The following PPM1H variants were observed in gnomAD, a reference collection of about 807,000 sequenced individuals.
PPM1H encodes protein phosphatase, Mg2+/Mn2+ dependent 1H, also known as protein phosphatase 1H.
A neutral mutation model predicts 54.9 loss-of-function variants in PPM1H; 27 were observed. The ratio of observed to expected loss-of-function variants is 0.49; its 90% confidence interval spans 0.36 to 0.68. The LOEUF is 0.68. Ranked by LOEUF, PPM1H falls within the 30% of genes least tolerant of loss-of-function variation. The pLI is 0.00. For synonymous variants in PPM1H, 305 were observed against 270.8 expected (o/e 1.13, Z -1.24); for missense variants, 596 against 667.8 (o/e 0.89, Z 1.19).
chr12:62,691,173 C>T (rs2076080911), intron 7 of PPM1H, among the ~76,000 whole-genome samples: 1 of 152,112 alleles, frequency 6.6e-6, no homozygotes, highest in Non-Finnish European at 1.5e-5. Flanking sequence ...AGGTGGATTG[C>T]ATCAAGACAG....
chr12:62,817,152 T>G (rs77269945), intron 2 of PPM1H, among the ~76,000 whole-genome samples: 6 of 63,110 alleles, frequency 9.5e-5, no homozygotes, highest in South Asian at 6.0e-4. Flanking sequence ...AAAAAAAAAC[T>G]AAAAAAAAGA....
chr12:62,709,430 G>T (rs1041586499), intron 6 of PPM1H, among the ~76,000 whole-genome samples: 2 of 152,112 alleles, frequency 1.3e-5, no homozygotes, highest in African/African-American at 4.8e-5. Context: ...ATTATCTCTG[G>T]CTTCCAAATT....
At chr12:62,656,775 C>T (rs2075846441) in intron 9 of PPM1H, among the ~76,000 whole-genome samples, 2 of 151,898 alleles carry the variant, frequency 1.3e-5, no homozygotes, top group African/African-American at 2.4e-5. Flanking sequence ...GAGCAGGCCT[C>T]AGAAATTTAA....
intron 2 of PPM1H, among the ~76,000 whole-genome samples, chr12:62,828,601 G>A (rs878988749): frequency 2.0e-5 from 3 of 152,110 alleles, no homozygotes; most frequent in Admixed American, 6.5e-5. Context: ...CTCCCTCTAC[G>A]AATGGAAGCT....
intron 6 of PPM1H, among the ~76,000 whole-genome samples, chr12:62,719,969 A>C (rs1038518451): frequency 3.0e-4 from 45 of 152,230 alleles, no homozygotes; most frequent in African/African-American, 1.0e-3. Flanking sequence ...GAGGGCCTCG[A>C]AGAAGCAGAG....
chr12:62,830,091 G>A lies in PPM1H; in HGVS notation c.411+2023C>T, dbSNP rs75622660. Among the ~76,000 whole-genome samples the A allele has an allele frequency of 3.1e-3, 477 of 152,270 alleles. 3 individuals carry two copies. The highest frequency in any genetic ancestry group is 0.011 in the African/African-American group (451 of 41,554). On this transcript the variant is annotated intron_variant, in intron 2 of 9. Coordinates refer to ENST00000228705, the MANE Select transcript of PPM1H (RefSeq NM_020700.2). ...GCAAACTTCACTCATAGAGAATAACGAAGTGGGACTAACCTCAGGATAATA... is the reference window on the plus strand; with the variant it reads ...GCAAACTTCACTCATAGAGAATAACAAAGTGGGACTAACCTCAGGATAATA...
At chr12:62,710,085 G>A (rs561971547) in intron 6 of PPM1H, among the ~76,000 whole-genome samples, 33 of 150,764 alleles carry the variant, frequency 2.2e-4, no homozygotes, top group African/African-American at 7.8e-4. Context: ...AAAAAAAAAA[G>A]CCAGTCTTGG....
chr12:62,890,497 A>T (rs1870745680), intron 1 of PPM1H, among the ~76,000 whole-genome samples: 1 of 152,162 alleles, frequency 6.6e-6, no homozygotes, highest in South Asian at 2.1e-4. Context: ...AATCTGTTCT[A>T]AAAAATAAAG....
intron 4 of PPM1H, among the ~76,000 whole-genome samples, chr12:62,744,075 T>C (rs566550440): frequency 8.6e-5 from 13 of 151,770 alleles, no homozygotes; most frequent in South Asian, 4.2e-4. Context: ...ACGTTATTCA[T>C]TGGGGCAAAG....
At chr12:62,697,033 A>G (rs539583231) in intron 6 of PPM1H, among the ~76,000 whole-genome samples, 1 of 152,360 alleles carries the variant, frequency 6.6e-6, no homozygotes, top group Non-Finnish European at 1.5e-5. Flanking sequence ...GAGTGGCAAA[A>G]GAACAAAAGG....
chr12:62,837,846 C>T (rs73135684), intron 1 of PPM1H, among the ~76,000 whole-genome samples: 10,578 of 152,300 alleles, frequency 0.069, 493 homozygotes, highest in Middle Eastern at 0.15. Flanking sequence ...CTCCTCCTTT[C>T]TACGCCTTTC....
intron 9 of PPM1H, among the ~76,000 whole-genome samples, chr12:62,659,658 C>T (rs540884700): frequency 2.4e-4 from 36 of 152,242 alleles, no homozygotes; most frequent in African/African-American, 8.7e-4. Flanking sequence ...TAAACAAAAG[C>T]CCAACAATCA....
chr12:62,732,989 T>TA (rs966963060), intron 5 of PPM1H, among the ~76,000 whole-genome samples: 24 of 152,232 alleles, frequency 1.6e-4, no homozygotes, highest in Non-Finnish European at 3.4e-4. Context: ...ATGCTTAAAA[T>TA]AATGAATCAG....
intron 4 of PPM1H, among the ~76,000 whole-genome samples, chr12:62,771,295 GACAC>G (rs4026219): frequency 0.14 from 18,593 of 131,690 alleles, 1,262 homozygotes; most frequent in East Asian, 0.21. Flanking sequence ...ACTTTGTGAA[GACAC>G]ACACACACAC....
At chr12:62,829,424 G>A (rs536969132) in intron 2 of PPM1H, among the ~76,000 whole-genome samples, 1 of 152,336 alleles carries the variant, frequency 6.6e-6, no homozygotes, top group African/African-American at 2.4e-5. Flanking sequence ...TGGAGATGAT[G>A]AGGGTGATGG....
At chr12:62,724,633 C>T (rs2076280285) in intron 5 of PPM1H, among the ~76,000 whole-genome samples, 2 of 152,188 alleles carry the variant, frequency 1.3e-5, no homozygotes, top group African/African-American at 4.8e-5. Flanking sequence ...CCACAAACTG[C>T]TTGCTTTCTT....
chr12:62,839,602 C>T (rs189092452), intron 1 of PPM1H, among the ~76,000 whole-genome samples: 3 of 151,634 alleles, frequency 2.0e-5, no homozygotes, highest in Admixed American at 6.6e-5. Flanking sequence ...CCAGCCTGGC[C>T]TCATGGGCAT....
chr12:62,746,631 A>G (rs190408620), intron 4 of PPM1H, among the ~76,000 whole-genome samples: 1 of 152,312 alleles, frequency 6.6e-6, no homozygotes, highest in Admixed American at 6.5e-5. Flanking sequence ...CCAACAGCCA[A>G]TTACGCTTTC....
At position 62,770,999 on chromosome 12, in the gene PPM1H, A is replaced by G. The variant is rs139285405; in HGVS notation, c.869+17227T>C. On this transcript the variant is annotated intron_variant, in intron 4 of 9. Transcript: ENST00000228705. Reference sequence around the variant, plus strand: ...TCTTGTGCAGCTGAGCTCCCTAGGAATAGTGACCTTGACTTCACAGCTAAG... The same window carrying G: ...TCTTGTGCAGCTGAGCTCCCTAGGAGTAGTGACCTTGACTTCACAGCTAAG... Among the ~76,000 whole-genome samples the G allele has an allele frequency of 1.9e-3, 290 of 151,632 alleles. 1 individual carries two copies. Among genetic ancestry groups the G allele is most frequent in the African/African-American group, 6.0e-3 (246 of 41,272 alleles).
Sources: allele counts gnomAD v4.1 joint callset (sites outside exome capture counted in the v4.1 genomes callset), GRCh38; gene constraint gnomAD v4.1.1; transcripts MANE v1.5; gene names NCBI Gene and HGNC (gene_info 2026-07-23, HGNC 2026-07-21).